PLD5: variants seen among roughly 807,000 people sequenced by gnomAD.
PLD5 encodes the protein inactive phospholipase D5.
Under a neutral mutation model 61.1 loss-of-function variants are expected in PLD5, and 36 were observed. That is an observed-to-expected ratio of 0.59 (90% CI 0.45 to 0.78). PLD5 has a LOEUF of 0.78. PLD5 is among the 30% of genes least tolerant of loss of function. PLD5 has a pLI of 0.00. For missense variants in PLD5, 515 were observed against 644.4 expected (o/e 0.80, Z 2.17); for synonymous variants, 243 against 242.8 (o/e 1.00, Z -0.01).
intron 1 of PLD5, among the ~76,000 whole-genome samples, chr1:242,438,693 G>T (rs889038653): frequency 7.2e-5 from 11 of 152,078 alleles, no homozygotes; most frequent in Non-Finnish European, 1.3e-4. Flanking sequence ...CTCCCAAAGT[G>T]TTGGGATTAC....
intron 4 of PLD5, among the ~76,000 whole-genome samples, chr1:242,245,474 C>T (rs982777428): frequency 1.3e-5 from 2 of 152,196 alleles, no homozygotes; most frequent in African/African-American, 4.8e-5. Context: ...TTCAGCACAG[C>T]GTGTGGGGAT....
chr1:242,263,388 A>G lies in PLD5; in HGVS notation c.607+1949T>C, dbSNP rs188456739. Among the ~76,000 whole-genome samples, 274 of 152,132 alleles carry G rather than the reference A, an allele frequency of 1.8e-3. 1 individual carries two copies. Among genetic ancestry groups the G allele is most frequent in the African/African-American group, 6.3e-3 (260 of 41,440 alleles). ...TGCAAAAAGATAACCCTTAAGCAAGATATTCAATCACAGATTTAAAATAGT... is the reference window on the plus strand; with the variant it reads ...TGCAAAAAGATAACCCTTAAGCAAGGTATTCAATCACAGATTTAAAATAGT... On this transcript the variant is annotated intron_variant, in intron 4 of 9. Coordinates refer to ENST00000536534, the MANE Select transcript of PLD5 (RefSeq NM_001372062.1).
intron 3 of PLD5, among the ~76,000 whole-genome samples, chr1:242,275,146 T>C (rs1028073426): frequency 1.3e-5 from 2 of 152,116 alleles, no homozygotes; most frequent in African/African-American, 4.8e-5. Flanking sequence ...CATTTGATGC[T>C]ATAGTCTTAA....
intron 1 of PLD5, among the ~76,000 whole-genome samples, chr1:242,418,240 T>C (rs1479566375): frequency 1.3e-5 from 2 of 152,196 alleles, no homozygotes; most frequent in African/African-American, 2.4e-5. Flanking sequence ...ACTGGAAGGA[T>C]AGACTTCCCA....
At chr1:242,111,874 A>G (rs1661533028) in intron 7 of PLD5, among the ~76,000 whole-genome samples, 2 of 152,220 alleles carry the variant, frequency 1.3e-5, no homozygotes, top group African/African-American at 4.8e-5. Context: ...ATTATAACCA[A>G]AATGCAAAAT....
chr1:242,304,218 G>A lies in PLD5; in HGVS notation c.327-15688C>T, dbSNP rs148856693. On this transcript the variant is annotated intron_variant, in intron 2 of 9. Coordinates refer to ENST00000536534, the MANE Select transcript of PLD5 (RefSeq NM_001372062.1). ...CAAAAAATGATGTTCAAAAGCATAA[G>A]TGTCAACTATGTGGCCCAGCTGGGT... 4.3e-3 allele frequency among the ~76,000 whole-genome samples: 654 copies of A among 152,318 alleles called. 19 individuals are homozygous for A. In the East Asian group the frequency reaches 0.068, roughly 16 times the overall value.
At chr1:242,101,905 A>AAACTG in intron 8 of PLD5, among the ~76,000 whole-genome samples, 1 of 152,304 alleles carries the variant, frequency 6.6e-6, no homozygotes, top group Non-Finnish European at 1.5e-5. Context: ...TACTACTTAA[A>AAACTG]AACTGTCTAT....
At chr1:242,339,434 T>A (rs1442112092) in intron 2 of PLD5, among the ~76,000 whole-genome samples, 1 of 152,162 alleles carries the variant, frequency 6.6e-6, no homozygotes, top group Admixed American at 6.5e-5. Flanking sequence ...CAAAGAGGGA[T>A]GAGTTTCTTC....
chr1:242,409,828 G>A (rs1479328408), intron 1 of PLD5, among the ~76,000 whole-genome samples: 1 of 152,150 alleles, frequency 6.6e-6, no homozygotes, highest in Non-Finnish European at 1.5e-5. Context: ...GGGATATGTG[G>A]GGGCGCCATG....
intron 2 of PLD5, among the ~76,000 whole-genome samples, chr1:242,323,511 C>T (rs1353252795): frequency 6.6e-6 from 1 of 152,198 alleles, no homozygotes; most frequent in Non-Finnish European, 1.5e-5. Context: ...GGTTGTTCCA[C>T]TGCCTTGAAG....
Position 242,462,865 on chromosome 1 carries a change from T to C in PLD5, c.189+61223A>G, listed in dbSNP as rs116432446. ...CCTCAGTGGCACCATTATCCACTGA[T>C]TCCTGAGTCAATTCCTTTTTTCTCA... On this transcript the variant is annotated intron_variant, in intron 1 of 9. Transcript: ENST00000536534. 9.7e-3 allele frequency among the ~76,000 whole-genome samples: 1,471 copies of C among 152,306 alleles called. 30 individuals are homozygous for C. The highest frequency in any genetic ancestry group is 0.034 in the African/African-American group (1,420 of 41,574).
At chr1:242,479,499 C>T (rs541902896) in intron 1 of PLD5, among the ~76,000 whole-genome samples, 61 of 151,916 alleles carry the variant, frequency 4.0e-4, no homozygotes, top group Non-Finnish European at 7.2e-4. Context: ...AAAACCACTG[C>T]TGAAAGAAAT....
chr1:242,090,805 T>C (rs1659764103), intron 9 of PLD5, among the ~76,000 whole-genome samples: 1 of 152,212 alleles, frequency 6.6e-6, no homozygotes, highest in African/African-American at 2.4e-5. Context: ...AATCCAGGTG[T>C]TGGGAGGGTT....
intron 2 of PLD5, among the ~76,000 whole-genome samples, chr1:242,320,038 C>T (rs562224680): frequency 6.6e-6 from 1 of 152,214 alleles, no homozygotes; most frequent in Non-Finnish European, 1.5e-5. Flanking sequence ...CAGATTTTTC[C>T]TATGATTTTG....
chr1:242,298,400 C>A (rs986267135), intron 2 of PLD5, among the ~76,000 whole-genome samples: 20 of 152,296 alleles, frequency 1.3e-4, no homozygotes, highest in African/African-American at 4.3e-4. Flanking sequence ...AACAACCCTG[C>A]AAGATAGGGA....
chr1:242,511,482 C>T (rs1041964088), intron 1 of PLD5, among the ~76,000 whole-genome samples: 11 of 151,948 alleles, frequency 7.2e-5, no homozygotes, highest in African/African-American at 2.7e-4. Context: ...TGAGCATCAT[C>T]GATCATGTCA....
intron 7 of PLD5, among the ~76,000 whole-genome samples, chr1:242,112,915 A>C (rs1013314212): frequency 2.6e-4 from 40 of 152,174 alleles, no homozygotes; most frequent in African/African-American, 9.7e-4. Context: ...GCATGCAATG[A>C]TTTCCCAAAG....
intron 1 of PLD5, among the ~76,000 whole-genome samples, chr1:242,406,470 T>C (rs923065954): frequency 5.9e-5 from 9 of 152,216 alleles, no homozygotes; most frequent in Non-Finnish European, 1.0e-4. Flanking sequence ...ACTTCCTATA[T>C]ACAACCAGCA....
chr1:242,467,228 T>C (rs977727603), intron 1 of PLD5, among the ~76,000 whole-genome samples: 1 of 152,112 alleles, frequency 6.6e-6, no homozygotes, highest in Non-Finnish European at 1.5e-5. Context: ...TTAATTATAA[T>C]AAAATTTAAT....
Sources: allele counts gnomAD v4.1 joint callset (sites outside exome capture counted in the v4.1 genomes callset), GRCh38; gene constraint gnomAD v4.1.1; transcripts MANE v1.5; gene names NCBI Gene and HGNC (gene_info 2026-07-23, HGNC 2026-07-21).